The following RPS6KC1 variants were observed in gnomAD, a reference collection of about 807,000 sequenced individuals.
RPS6KC1 encodes the protein ribosomal protein S6 kinase C1, also known as inactive ribosomal protein S6 kinase delta-1.
A neutral mutation model predicts 103.8 loss-of-function variants in RPS6KC1; 54 were observed. The ratio of observed to expected loss-of-function variants is 0.52; its 90% CI spans 0.42 to 0.65. RPS6KC1 has a LOEUF of 0.65. Among genes scored for constraint, RPS6KC1 ranks in the 30% least tolerant of loss-of-function variants. The probability of loss-of-function intolerance (pLI) is 0.00; values close to 1 mark genes in which losing one functional copy is unlikely to be tolerated. For synonymous variants in RPS6KC1, 439 were observed against 438.7 expected (o/e 1.00, Z -0.01); for missense variants, 1,151 against 1,253.8 (o/e 0.92, Z 1.24).
the RPS6KC1 span, among the ~76,000 whole-genome samples, chr1:213,778,950 TC>T: frequency 6.6e-6 from 1 of 152,020 alleles, no homozygotes; most frequent in Non-Finnish European, 1.5e-5. Context: ...CCCAACACTT[TC>T]CCAAGCACAC....
intron 12 of RPS6KC1, among the ~76,000 whole-genome samples, chr1:213,256,651 C>T (rs1321875610): frequency 6.6e-6 from 1 of 152,098 alleles, no homozygotes; most frequent in Non-Finnish European, 1.5e-5. Flanking sequence ...CTAGGGGATT[C>T]TTAGGTCTCT....
the RPS6KC1 span, among the ~76,000 whole-genome samples, chr1:213,709,926 G>A: frequency 6.6e-6 from 1 of 152,140 alleles, no homozygotes; most frequent in South Asian, 2.1e-4. Flanking sequence ...GCTGTGGAGT[G>A]TTTTCCTTCC....
chr1:213,157,980 T>A (rs556191647), intron 6 of RPS6KC1, among the ~76,000 whole-genome samples: 1 of 152,348 alleles, frequency 6.6e-6, no homozygotes, highest in Non-Finnish European at 1.5e-5. Context: ...TTGGTATAGC[T>A]GTTCTCTCTT....
the RPS6KC1 span, among the ~76,000 whole-genome samples, chr1:213,635,703 T>G: frequency 1.3e-5 from 2 of 152,174 alleles, no homozygotes; most frequent in African/African-American, 4.8e-5. Context: ...CTTTGAAAAC[T>G]GGCACAAGAC....
intron 3 of RPS6KC1, among the ~76,000 whole-genome samples, chr1:213,098,872 G>A (rs1336186458): frequency 2.0e-5 from 3 of 152,200 alleles, no homozygotes; most frequent in African/African-American, 4.8e-5. Context: ...TCTGTGAAGA[G>A]CAGTAAATTG....
intron 4 of RPS6KC1, among the ~76,000 whole-genome samples, chr1:213,108,223 G>T (rs1191544215): frequency 6.6e-6 from 1 of 152,104 alleles, no homozygotes; most frequent in African/African-American, 2.4e-5. Context: ...ACTTTTAGAA[G>T]TTTTAATGTT....
At chr1:213,498,869 T>G in the RPS6KC1 span, among the ~76,000 whole-genome samples, 1 of 151,352 alleles carries the variant, frequency 6.6e-6, no homozygotes, top group Admixed American at 6.6e-5. Context: ...AACTTCTGCC[T>G]CCTGGGTTCA....
At chr1:213,772,615 C>T in the RPS6KC1 span, among the ~76,000 whole-genome samples, 2 of 150,182 alleles carry the variant, frequency 1.3e-5, no homozygotes, top group Admixed American at 6.6e-5. Context: ...TGTCCCCTCC[C>T]GGGAAGATGG....
the RPS6KC1 span, among the ~76,000 whole-genome samples, chr1:213,576,542 T>G: frequency 6.6e-6 from 1 of 152,152 alleles, no homozygotes; most frequent in South Asian, 2.1e-4. Context: ...GTTTTGATAT[T>G]ACTATTGTAA....
At chr1:213,209,305 G>A (rs1163578217) in intron 8 of RPS6KC1, among the ~76,000 whole-genome samples, 1 of 152,158 alleles carries the variant, frequency 6.6e-6, no homozygotes, top group East Asian at 1.9e-4. Flanking sequence ...TTACCAGAAA[G>A]GGATATTGAT....
At chr1:213,296,035 A>T in the RPS6KC1 span, among the ~76,000 whole-genome samples, 1 of 152,250 alleles carries the variant, frequency 6.6e-6, no homozygotes, top group South Asian at 2.1e-4. Flanking sequence ...AGTAAAAAAA[A>T]TGCCAGTCAT....
At chr1:213,334,179 T>C in the RPS6KC1 span, among the ~76,000 whole-genome samples, 27 of 152,166 alleles carry the variant, frequency 1.8e-4, no homozygotes, top group Non-Finnish European at 1.8e-4. Context: ...ACTCATTTAG[T>C]CTTCACAACA....
chr1:213,592,819 G>A, the RPS6KC1 span, among the ~76,000 whole-genome samples: 2 of 152,154 alleles, frequency 1.3e-5, no homozygotes, highest in Non-Finnish European at 2.9e-5. Flanking sequence ...ATATTCTAGT[G>A]GGAAGCAGAC....
At chr1:213,812,733 C>T in the RPS6KC1 span, among the ~76,000 whole-genome samples, 7 of 152,272 alleles carry the variant, frequency 4.6e-5, no homozygotes, top group African/African-American at 1.7e-4. Flanking sequence ...GGGAACTGTT[C>T]TTTCTACTTT....
Position 213,230,354 on chromosome 1 carries a change from C to T in RPS6KC1, c.1045-143C>T. ...TTATTTTGATCCTATAATTTGCTGACTTAAAAAAATTTATTCAGAAATGAA... is the reference window on the plus strand; with the variant it reads ...TTATTTTGATCCTATAATTTGCTGATTTAAAAAAATTTATTCAGAAATGAA... On this transcript the variant is annotated intron_variant, in intron 8 of 14. Transcript: ENST00000366960. 6.5e-6 allele frequency: 3 copies of T among 459,416 alleles called. No homozygotes were observed. The South Asian group carries it at 1.2e-4, about 18-fold the overall frequency. The allele number at this position is 459,416 out of a possible 1,614,324, so 28.5% of individuals were successfully genotyped here.
At chr1:213,413,061 T>A in the RPS6KC1 span, among the ~76,000 whole-genome samples, 6 of 152,238 alleles carry the variant, frequency 3.9e-5, no homozygotes, top group East Asian at 9.6e-4. Flanking sequence ...TTTTGTTTGC[T>A]CTGTAAATGT....
At chr1:213,787,222 C>G in the RPS6KC1 span, among the ~76,000 whole-genome samples, 1 of 151,944 alleles carries the variant, frequency 6.6e-6, no homozygotes, top group Admixed American at 6.6e-5. Context: ...AAGTTAAATT[C>G]CTTGACTTTA....
intron 6 of RPS6KC1, among the ~76,000 whole-genome samples, chr1:213,158,998 C>G (rs1010691322): frequency 6.6e-6 from 1 of 152,058 alleles, no homozygotes; most frequent in African/African-American, 2.4e-5. Context: ...GATGATCTCT[C>G]ATGTAGTGAG....
intron 4 of RPS6KC1, among the ~76,000 whole-genome samples, chr1:213,109,024 A>G (rs1400396680): frequency 6.6e-6 from 1 of 152,190 alleles, no homozygotes; most frequent in Non-Finnish European, 1.5e-5. Context: ...CTTGCTCCTC[A>G]GAATTCTGAT....
Sources: gnomAD v4.1 joint callset for allele counts (sites outside exome capture counted in the v4.1 genomes callset) on GRCh38, gnomAD v4.1.1 for gene constraint, MANE v1.5 for transcripts, NCBI Gene and HGNC (gene_info 2026-07-23, HGNC 2026-07-21) for gene names.